The following MIER1 variants were observed in gnomAD, a reference collection of about 807,000 sequenced individuals.
MIER1 encodes mesoderm induction early response protein 1.
MIER1 carries 40 observed loss-of-function variants against 75.7 expected under a neutral mutation model. That is an observed-to-expected ratio of 0.53 (90% confidence interval 0.41 to 0.69). The LOEUF is 0.69. MIER1 is among the 30% of genes least tolerant of loss of function. MIER1 has a pLI of 0.00. For synonymous variants in MIER1, 213 were observed against 223.4 expected (o/e 0.95, Z 0.42); for missense variants, 574 against 680.2 (o/e 0.84, Z 1.74).
intron 3 of MIER1, among the ~76,000 whole-genome samples, chr1:66,940,926 G>A (rs1229781544): frequency 6.6e-6 from 1 of 152,186 alleles, no homozygotes; most frequent in Non-Finnish European, 1.5e-5. Flanking sequence ...ATATAGAAGA[G>A]TGAGAAAGTG....
Position 66,926,541 on chromosome 1 carries a change from CA to C in MIER1, c.168+305del, listed in dbSNP as rs201496882. ...AAGTGTTTTAGAGTGGCATTAATAA[CA>C]AAAAATGAAACTAACGAAAGATGAT... On this transcript the variant is annotated intron_variant, in intron 2 of 13. Coordinates refer to ENST00000401041, the MANE Select transcript of MIER1 (RefSeq NM_001077700.3). Among the ~76,000 whole-genome samples, 590 of 152,174 alleles carry C rather than the reference CA, an allele frequency of 3.9e-3. 5 individuals are homozygous for C. Among genetic ancestry groups the C allele is most frequent in the African/African-American group, 0.014 (570 of 41,510 alleles).
At chr1:66,927,497 T>C (rs562940214) in intron 2 of MIER1, among the ~76,000 whole-genome samples, 1 of 152,150 alleles carries the variant, frequency 6.6e-6, no homozygotes, top group Admixed American at 6.5e-5. Flanking sequence ...TGCCTTTAGC[T>C]CTCTCATGTC....
intron 12 of MIER1, among the ~76,000 whole-genome samples, chr1:66,978,349 A>ATT: frequency 6.6e-6 from 1 of 152,274 alleles, no homozygotes; most frequent in Non-Finnish European, 1.5e-5. Flanking sequence ...CCACAGTAAA[A>ATT]CAATCTGAAA....
Position 66,947,777 on chromosome 1 carries a change from G to GATA in MIER1, c.339+1485_339+1487dup, listed in dbSNP as rs1346600335. 9 of 250,480 alleles carry GATA rather than the reference G, an allele frequency of 3.6e-5. No homozygotes were observed. The East Asian group carries it at 1.3e-3, about 35-fold the overall frequency. 15.5% of individuals were successfully genotyped at this position (250,480 alleles called of 1,614,324 possible). A position where few individuals can be genotyped will look rare whatever the true frequency, so the allele number is the denominator to read the frequency against. On this transcript the variant is annotated intron_variant, in intron 4 of 13. Transcript: ENST00000401041. ...ACCAGGCCAGCAAGGCCACCTGCAT[G>GATA]ATAATGGCCTCTTACCCATGTATCA...
intron 3 of MIER1, among the ~76,000 whole-genome samples, chr1:66,945,008 A>T (rs1657158748): frequency 6.6e-6 from 1 of 152,082 alleles, no homozygotes; most frequent in African/African-American, 2.4e-5. Context: ...TTAAAGCATG[A>T]GCAACTACAT....
At position 66,984,636 on chromosome 1, in the gene MIER1, C is replaced by CATT; in HGVS notation, c.1436_1438dup (p.Ile479dup). Reference sequence around the variant, plus strand: ...AGGAAGTAAAAGTTGAAGGGTTACACATTAATGGACCAACAGGTGGAAATA... The same window carrying CATT: ...AGGAAGTAAAAGTTGAAGGGTTACACATTATTAATGGACCAACAGGTGGAAATA... On this transcript the variant is annotated inframe_insertion, in exon 14 of 14. Transcript: ENST00000401041. 7.4e-6 allele frequency: 12 copies of CATT among 1,613,678 alleles called. No individual in the cohort carries two copies. Among genetic ancestry groups the CATT allele is most frequent in the Non-Finnish European group, 1.0e-5 (12 of 1,179,818 alleles).
intron 2 of MIER1, among the ~76,000 whole-genome samples, chr1:66,934,867 C>T (rs1462718292): frequency 3.9e-5 from 6 of 152,184 alleles, no homozygotes; most frequent in East Asian, 3.9e-4. Context: ...GCCCTTGGCA[C>T]GGTAACCATC....
chr1:66,932,368 A>G (rs1428921119), intron 2 of MIER1, among the ~76,000 whole-genome samples: 4 of 152,178 alleles, frequency 2.6e-5, no homozygotes, highest in African/African-American at 4.8e-5. Context: ...ATCTTTAAAC[A>G]ATTTATCTTC....
intron 4 of MIER1, chr1:66,946,541 C>T: frequency 2.4e-5 from 28 of 1,161,212 alleles, no homozygotes; most frequent in Non-Finnish European, 2.7e-5. Context: ...TTAAATGATT[C>T]TGCTATAAAG....
chr1:66,955,892 G>A (rs1253803876), intron 4 of MIER1, among the ~76,000 whole-genome samples: 1 of 152,120 alleles, frequency 6.6e-6, no homozygotes, highest in African/African-American at 2.4e-5. Flanking sequence ...CTGAGATTAG[G>A]AGGTCTGGGT....
rs1664785594 is a variant in MIER1, at chr1:66,976,656, G to T, written c.1163G>T (p.Arg388Leu). The T allele has an allele frequency of 6.2e-7, 1 of 1,606,938 alleles. No homozygotes were observed. The highest frequency in any genetic ancestry group is 8.5e-7 in the Non-Finnish European group (1 of 1,176,726). Residue 388 changes from arginine (R) to leucine (L), a missense_variant, in exon 12 of 14, where the codon CGT (arginine) becomes CTT (leucine). Around this residue, in one of 3 missense-constraint regions of MIER1, gnomAD observed 101 missense variants for 173.1 expected, o/e 0.58. Transcript: ENST00000401041. ...TATTACATGTGGAAAAAATCTGAACGTTATGATTTCTTTGCTCAGCAAACA... is the reference window on the plus strand; with the variant it reads ...TATTACATGTGGAAAAAATCTGAACTTTATGATTTCTTTGCTCAGCAAACA... ...AFYYMWKKSE[R>L]YDFFAQQTRF...
chr1:66,959,870 T>C, intron 7 of MIER1, 127 bp downstream of exon 7: 1 of 409,930 alleles, frequency 2.4e-6, no homozygotes, highest in Non-Finnish European at 4.4e-6. Flanking sequence ...TTTATGACAT[T>C]TAAATGTTTG....
chr1:66,985,051 G>T lies in MIER1; in HGVS notation c.*151G>T. On this transcript the variant is annotated 3_prime_UTR_variant, in exon 14 of 14. Transcript: ENST00000401041. ...TTAGGAAATGAGGTTTCATAATTCT[G>T]CCTTTTGCAGATTTTTTTACTTTAA... 1.5e-6 allele frequency: 2 copies of T among 1,364,440 alleles called. No homozygotes were observed. Among genetic ancestry groups the T allele is most frequent in the Non-Finnish European group, 9.4e-7 (1 of 1,058,598 alleles). The allele number at this position is 1,364,440 out of a possible 1,614,324, so 84.5% of individuals were successfully genotyped here. A position where few individuals can be genotyped will look rare whatever the true frequency, so the allele number is the denominator to read the frequency against.
At chr1:66,927,818 A>G (rs549349470) in intron 2 of MIER1, among the ~76,000 whole-genome samples, 3 of 152,278 alleles carry the variant, frequency 2.0e-5, no homozygotes, top group Admixed American at 1.3e-4. Context: ...AGAGATTACT[A>G]TCTTGACAGG....
At chr1:66,955,430 C>T (rs1432881112) in intron 4 of MIER1, among the ~76,000 whole-genome samples, 6 of 148,368 alleles carry the variant, frequency 4.0e-5, no homozygotes, top group African/African-American at 1.2e-4. Flanking sequence ...GCTCAGCAGC[C>T]CATTTTAGTA....
chr1:66,959,882 T>G (rs1435067269), intron 7 of MIER1, 139 bp downstream of exon 7: 1 of 397,890 alleles, frequency 2.5e-6, no homozygotes, highest in Non-Finnish European at 4.6e-6. Context: ...AAATGTTTGG[T>G]AAATGTTCAG....
rs1444243418 is a variant in MIER1 at position 66,948,187 on chromosome 1, G to T, written c.339+1892G>T. The T allele has an allele frequency of 1.3e-5, 12 of 914,380 alleles. No individual in the cohort carries two copies. In the African/African-American group the frequency reaches 2.0e-4, roughly 15 times the overall value. 56.6% of individuals were successfully genotyped at this position (914,380 alleles called of 1,614,324 possible). A position where few individuals can be genotyped will look rare whatever the true frequency, so the allele number is the denominator to read the frequency against. On this transcript the variant is annotated intron_variant, in intron 4 of 13. Coordinates refer to ENST00000401041, the MANE Select transcript of MIER1 (RefSeq NM_001077700.3). ...GCAAGAGTGCTCACTCAAAAGTATTGTATGAATGAATGGATATATCAGTCT... is the reference window on the plus strand; with the variant it reads ...GCAAGAGTGCTCACTCAAAAGTATTTTATGAATGAATGGATATATCAGTCT...
chr1:66,971,771 C>A, intron 10 of MIER1, 35 bp downstream of exon 10: 2 of 1,168,564 alleles, frequency 1.7e-6, no homozygotes, highest in South Asian at 1.4e-5. Flanking sequence ...CATGATTTGG[C>A]AGAAATTTTA....
At chr1:66,947,771 C>T (rs1658003356) in intron 4 of MIER1, 1 of 222,692 alleles carries the variant, frequency 4.5e-6, no homozygotes. Flanking sequence ...GCAAGGCCAC[C>T]TGCATGATAA....
Sources: allele counts gnomAD v4.1 joint callset (sites outside exome capture counted in the v4.1 genomes callset), GRCh38; gene constraint gnomAD v4.1.1; regional missense constraint gnomAD v4.1.1; transcripts MANE v1.5; gene names NCBI Gene and HGNC (gene_info 2026-07-23, HGNC 2026-07-21).